The following TACC2 variants were observed in gnomAD, a reference collection of about 807,000 sequenced individuals.
The protein encoded by TACC2 is transforming acidic coiled-coil-containing protein 2.
A neutral mutation model predicts 227.3 loss-of-function variants in TACC2; 137 were observed. The observed-to-expected ratio is 0.60, with a 90% CI of 0.52 to 0.69. The LOEUF (loss-of-function observed/expected upper bound fraction) is 0.69, where lower values mean the gene tolerates loss of function less well. Among genes scored for constraint, TACC2 ranks in the 30% least tolerant of loss-of-function variants. TACC2 has a pLI of 0.00. For synonymous variants in TACC2, 1,523 were observed against 1,487.5 expected (o/e 1.02, Z -0.55); for missense variants, 3,470 against 3,694.4 (o/e 0.94, Z 1.57).
chr10:122,189,905 T>C (rs927057403), intron 7 of TACC2, among the ~76,000 whole-genome samples: 3 of 152,214 alleles, frequency 2.0e-5, no homozygotes, highest in Non-Finnish European at 4.4e-5. Flanking sequence ...CTCTGGGCTT[T>C]AGCTGGGATA....
At chr10:122,196,489 G>A (rs901449118) in intron 8 of TACC2, among the ~76,000 whole-genome samples, 1 of 152,142 alleles carries the variant, frequency 6.6e-6, no homozygotes, top group African/African-American at 2.4e-5. Flanking sequence ...ATATTTCTTT[G>A]ATTTGAAAGT....
In TACC2 at chr10:122,210,807, A is replaced by G; in HGVS notation, c.6382A>G (p.Lys2128Glu). ...TGCTTCTAGTACCCTTAAGCGAACT[A>G]AAAAACCGAGGCCGCCTTCCTTAAA... Reference protein sequence around the residue: ...SSASSTLKRTKKPRPPSLKKK... With the variant: ...SSASSTLKRTEKPRPPSLKKK... Residue 2128 changes from lysine to glutamate, a missense_variant, in exon 9 of 23, where the codon AAA becomes GAA. Transcript: ENST00000369005. The surrounding 1 kb of genome is among the most constrained non-coding windows in gnomAD (Gnocchi z 4.6). The G allele has an allele frequency of 5.6e-6, 9 of 1,612,670 alleles. No homozygotes were observed. Among genetic ancestry groups the G allele is most frequent in the Non-Finnish European group, 7.6e-6 (9 of 1,179,722 alleles).
rs574765463 is a variant in TACC2, at chr10:122,173,605, A to G, written c.5835-21435A>G. 4.6e-4 allele frequency among the ~76,000 whole-genome samples: 70 copies of G among 152,332 alleles called. 1 individual carries two copies. In the South Asian group the frequency reaches 0.013, roughly 29 times the overall value. On this transcript the variant is annotated intron_variant, in intron 7 of 22. Coordinates refer to ENST00000369005, the MANE Select transcript of TACC2 (RefSeq NM_206862.4). ...CAAGAGGCTGGAGGAGTGTGGTCAT[A>G]TGTGGCACTGTGTTCCCAGGAGCCC...
chr10:122,146,187 G>T lies in TACC2; in HGVS notation c.5834+2481G>T, dbSNP rs375877262. Among the ~76,000 whole-genome samples the T allele has an allele frequency of 4.6e-5, 7 of 152,080 alleles. No individual in the cohort carries two copies. In the East Asian group the frequency reaches 1.4e-3, roughly 29 times the overall value. ...TCGACTGAGAGCTTAGGCTGAGTGGGTTTATGTGTGGGCTGGGCCGGAGGT... is the reference window on the plus strand; with the variant it reads ...TCGACTGAGAGCTTAGGCTGAGTGGTTTTATGTGTGGGCTGGGCCGGAGGT... On this transcript the variant is annotated intron_variant, in intron 7 of 22. Coordinates refer to ENST00000369005, the MANE Select transcript of TACC2 (RefSeq NM_206862.4).
chr10:122,207,915 C>T (rs1398906010), intron 8 of TACC2, among the ~76,000 whole-genome samples: 1 of 151,244 alleles, frequency 6.6e-6, no homozygotes, highest in Non-Finnish European at 1.5e-5. Flanking sequence ...TTCCTCCTGC[C>T]AAGGCCCATT....
At chr10:122,118,227 C>G (rs1274636732) in intron 5 of TACC2, among the ~76,000 whole-genome samples, 1 of 152,094 alleles carries the variant, frequency 6.6e-6, no homozygotes, top group African/African-American at 2.4e-5. Flanking sequence ...GTTGGCTGGG[C>G]TGGTCTTGAA....
At chr10:122,252,412 C>T (rs148851343) in intron 22 of TACC2, among the ~76,000 whole-genome samples, 20 of 151,882 alleles carry the variant, frequency 1.3e-4, no homozygotes, top group Non-Finnish European at 2.5e-4. Flanking sequence ...GAGCAGCTCA[C>T]GGTGGGCACT....
At chr10:122,041,441 CTT>C (rs537169387) in intron 2 of TACC2, among the ~76,000 whole-genome samples, 7 of 140,154 alleles carry the variant, frequency 5.0e-5, no homozygotes, top group Admixed American at 7.2e-5. Flanking sequence ...AGTTTCCTTT[CTT>C]TTTTTTTTTT....
At chr10:122,049,848 A>AAAC (rs1215533832) in intron 2 of TACC2, among the ~76,000 whole-genome samples, 5 of 152,168 alleles carry the variant, frequency 3.3e-5, no homozygotes, top group Admixed American at 3.3e-4. Context: ...TGGTTTATAA[A>AAAC]AACAACAACA....
rs551098671 is a variant in TACC2 at position 122,102,530 on chromosome 10, C to T, written c.5573+13939C>T. Among the ~76,000 whole-genome samples, 9 of 152,338 alleles carry T rather than the reference C, an allele frequency of 5.9e-5. No homozygotes were observed. The East Asian group carries it at 1.7e-3, about 29-fold the overall frequency. ...CACCTTTGCCCTGATGTCACTTGGA[C>T]ATCTGACTGTCTCCTAGAGAAAGTT... On this transcript the variant is annotated intron_variant, in intron 5 of 22. Transcript: ENST00000369005.
intron 7 of TACC2, among the ~76,000 whole-genome samples, chr10:122,193,416 TG>T (rs1213479164): frequency 6.6e-6 from 1 of 152,146 alleles, no homozygotes; most frequent in Non-Finnish European, 1.5e-5. Flanking sequence ...AGCTGGCTGG[TG>T]GTCTTTAGAA....
intron 7 of TACC2, chr10:122,163,589 G>A (rs2092957108): frequency 1.0e-6 from 1 of 1,003,248 alleles, no homozygotes; most frequent in Non-Finnish European, 1.2e-6. Flanking sequence ...GGAGCCGGCT[G>A]CCGGGGGGTT....
chr10:122,048,384 TC>T (rs1287132984), intron 2 of TACC2, among the ~76,000 whole-genome samples: 2 of 150,476 alleles, frequency 1.3e-5, no homozygotes, highest in Admixed American at 1.3e-4. Flanking sequence ...ATTTTTTTTT[TC>T]TCCTCCCTTT....
intron 9 of TACC2, among the ~76,000 whole-genome samples, chr10:122,214,142 G>A (rs570611744): frequency 5.1e-4 from 77 of 152,250 alleles, no homozygotes; most frequent in African/African-American, 1.7e-3. Flanking sequence ...AAGGGAAGCC[G>A]GCCAGTCCAG....
chr10:122,081,006 AT>A, intron 3 of TACC2, among the ~76,000 whole-genome samples: 1 of 152,318 alleles, frequency 6.6e-6, no homozygotes, highest in South Asian at 2.1e-4. Context: ...GTCTTGAGGA[AT>A]TTCTCTTGTT....
chr10:122,235,148 G>C (rs943061865), intron 16 of TACC2, among the ~76,000 whole-genome samples: 1 of 152,024 alleles, frequency 6.6e-6, no homozygotes, highest in South Asian at 2.1e-4. Flanking sequence ...GTGCAGTGGC[G>C]CGATCTCAGC....
chr10:122,031,027 C>T (rs1311909060), intron 2 of TACC2, among the ~76,000 whole-genome samples: 6 of 152,124 alleles, frequency 3.9e-5, no homozygotes, highest in Admixed American at 1.3e-4. Flanking sequence ...CTACTTCCAC[C>T]CCCCCATCTG....
intron 7 of TACC2, among the ~76,000 whole-genome samples, chr10:122,160,366 A>C (rs1565464382): frequency 6.6e-6 from 1 of 152,034 alleles, no homozygotes; most frequent in African/African-American, 2.4e-5. Flanking sequence ...CGTGCTTAGG[A>C]GTAGTGGGGT....
At chr10:122,093,077 C>T (rs1361517656) in intron 5 of TACC2, among the ~76,000 whole-genome samples, 2 of 148,738 alleles carry the variant, frequency 1.3e-5, no homozygotes, top group African/African-American at 2.5e-5. Flanking sequence ...TAAAAGGAGT[C>T]GTTCTCTCTT....
Sources: allele counts gnomAD v4.1 joint callset (sites outside exome capture counted in the v4.1 genomes callset), GRCh38; gene constraint gnomAD v4.1.1; non-coding constraint Gnocchi (gnomAD v3.1); transcripts MANE v1.5; gene names NCBI Gene and HGNC (gene_info 2026-07-23, HGNC 2026-07-21).